The following MACROD2 variants were observed in gnomAD, a reference collection of about 807,000 sequenced individuals.
The protein encoded by MACROD2 is ADP-ribose glycohydrolase MACROD2.
In MACROD2, 36 loss-of-function variants were observed where a neutral mutation model predicts 70.4. The observed-to-expected ratio is 0.51, with a 90% confidence interval of 0.39 to 0.68. The LOEUF is 0.68. MACROD2 is among the 30% of genes least tolerant of loss of function. The probability of loss-of-function intolerance (pLI) is 0.00; values close to 1 mark genes in which losing one functional copy is unlikely to be tolerated. For synonymous variants in MACROD2, 172 were observed against 178.8 expected (o/e 0.96, Z 0.30); for missense variants, 496 against 538.4 (o/e 0.92, Z 0.78).
At chr20:15,482,674 A>G (rs1401837980) in intron 7 of MACROD2, among the ~76,000 whole-genome samples, 1 of 152,188 alleles carries the variant, frequency 6.6e-6, no homozygotes, top group East Asian at 1.9e-4. Context: ...AACATTTTGT[A>G]TCCCCACCGG....
intron 7 of MACROD2, among the ~76,000 whole-genome samples, chr20:15,444,221 G>A (rs146305552): frequency 1.3e-3 from 197 of 152,158 alleles, no homozygotes; most frequent in African/African-American, 4.6e-3. Context: ...TTCAAAGTTC[G>A]TCCATGTCAT....
At chr20:14,484,077 C>T (rs916596386) in intron 3 of MACROD2, among the ~76,000 whole-genome samples, 17 of 152,060 alleles carry the variant, frequency 1.1e-4, no homozygotes, top group Admixed American at 1.0e-3. Flanking sequence ...ATCTAACATA[C>T]CAAAACATTT....
At chr20:15,030,944 A>G (rs6043062) in intron 5 of MACROD2, among the ~76,000 whole-genome samples, 21,174 of 152,082 alleles carry the variant, frequency 0.14, 4,193 homozygotes, top group African/African-American at 0.44. Flanking sequence ...TGCTGGGCTT[A>G]TTCTGCCTAC....
intron 5 of MACROD2, among the ~76,000 whole-genome samples, chr20:14,840,231 T>C (rs1600715090): frequency 6.6e-6 from 1 of 152,012 alleles, no homozygotes; most frequent in South Asian, 2.1e-4. Flanking sequence ...AGAGACGGGG[T>C]TTCGCCATGT....
chr20:14,247,622 A>T (rs12624446), intron 3 of MACROD2, among the ~76,000 whole-genome samples: 23,886 of 152,170 alleles, frequency 0.16, 2,419 homozygotes, highest in East Asian at 0.26. Flanking sequence ...TTGAGTGCCG[A>T]CGTGATGCCA....
At position 16,052,048 on chromosome 20, in the gene MACROD2, T is replaced by C. The variant is rs1450034087; in HGVS notation, c.*2172T>C. The stretch of plus-strand genomic sequence containing the variant: ...GGGAATTCTCTCTGCCTAAAAATTC[T>C]AGAAGAATGAAAGTAATCTTTGTAT... On this transcript the variant is annotated 3_prime_UTR_variant, in exon 18 of 18. Coordinates refer to ENST00000684519, the MANE Select transcript of MACROD2 (RefSeq NM_001351661.2). The C allele has an allele frequency of 6.6e-6, 1 of 152,254 alleles. No homozygotes were observed. Among genetic ancestry groups the C allele is most frequent in the Non-Finnish European group, 1.5e-5 (1 of 68,042 alleles). 9.4% of individuals were successfully genotyped at this position (152,254 alleles called of 1,614,324 possible). A position where few individuals can be genotyped will look rare whatever the true frequency, so the allele number is the denominator to read the frequency against.
At chr20:14,712,174 C>A (rs982605407) in intron 5 of MACROD2, among the ~76,000 whole-genome samples, 10 of 151,950 alleles carry the variant, frequency 6.6e-5, no homozygotes, top group African/African-American at 2.4e-5. Flanking sequence ...AAATATATTT[C>A]TTTGAGTTGG....
chr20:15,931,905 G>T (rs1357809138), intron 10 of MACROD2, among the ~76,000 whole-genome samples: 1 of 152,090 alleles, frequency 6.6e-6, no homozygotes, highest in African/African-American at 2.4e-5. Flanking sequence ...CTGCTTCTGA[G>T]GCTTTTGTTT....
At chr20:15,442,309 G>C (rs1346671934) in intron 7 of MACROD2, among the ~76,000 whole-genome samples, 1 of 152,108 alleles carries the variant, frequency 6.6e-6, no homozygotes, top group Non-Finnish European at 1.5e-5. Context: ...TTAGGGTAAA[G>C]TTAAACTGTT....
At chr20:15,990,593 A>G (rs959324048) in intron 15 of MACROD2, among the ~76,000 whole-genome samples, 1 of 152,200 alleles carries the variant, frequency 6.6e-6, no homozygotes, top group African/African-American at 2.4e-5. Flanking sequence ...GTTGACAGAG[A>G]CTTAAAGTAT....
At chr20:15,087,529 G>A (rs972188198) in intron 5 of MACROD2, among the ~76,000 whole-genome samples, 1 of 151,962 alleles carries the variant, frequency 6.6e-6, no homozygotes, top group Admixed American at 6.6e-5. Flanking sequence ...TGGAAGGAGA[G>A]CAGAGCTATG....
intron 8 of MACROD2, chr20:15,619,919 G>A (rs1026825938): frequency 7.2e-5 from 11 of 152,978 alleles, no homozygotes; most frequent in South Asian, 4.1e-4. Context: ...GACATCCTGC[G>A]ATGCTGCTTT....
intron 8 of MACROD2, among the ~76,000 whole-genome samples, chr20:15,609,397 G>A (rs1002838508): frequency 2.6e-5 from 4 of 152,226 alleles, no homozygotes; most frequent in African/African-American, 7.2e-5. Context: ...AATTGCAAAT[G>A]TGTGTGATTC....
At chr20:15,411,025 A>G (rs1336456286) in intron 6 of MACROD2, among the ~76,000 whole-genome samples, 1 of 152,192 alleles carries the variant, frequency 6.6e-6, no homozygotes, top group East Asian at 1.9e-4. Context: ...TTTCTAATAT[A>G]TCGTTTGCTT....
intron 6 of MACROD2, among the ~76,000 whole-genome samples, chr20:15,314,749 G>A (rs2077791058): frequency 6.6e-6 from 1 of 152,208 alleles, no homozygotes; most frequent in South Asian, 2.1e-4. Flanking sequence ...AAAGGTTGTA[G>A]TTGAGGCAAA....
chr20:15,040,049 A>G (rs1044266325), intron 5 of MACROD2, among the ~76,000 whole-genome samples: 1 of 152,146 alleles, frequency 6.6e-6, no homozygotes, highest in Non-Finnish European at 1.5e-5. Context: ...CATTGTTCAT[A>G]TATGAGGGGA....
chr20:14,391,425 A>G (rs2083525391), intron 3 of MACROD2, among the ~76,000 whole-genome samples: 1 of 152,156 alleles, frequency 6.6e-6, no homozygotes, highest in Non-Finnish European at 1.5e-5. Flanking sequence ...AATGATGAGA[A>G]CAAATGGATA....
chr20:15,483,959 G>T (rs184124028), intron 7 of MACROD2, among the ~76,000 whole-genome samples: 41 of 151,492 alleles, frequency 2.7e-4, no homozygotes, highest in Admixed American at 7.9e-4. Context: ...AGGATTTTTG[G>T]GTCAAACCTG....
At chr20:15,334,974 A>T (rs966166781) in intron 6 of MACROD2, among the ~76,000 whole-genome samples, 1 of 151,712 alleles carries the variant, frequency 6.6e-6, no homozygotes, top group African/African-American at 2.4e-5. Context: ...CTTTAACCAT[A>T]TTCTTATAGT....
Sources: gnomAD v4.1 joint callset for allele counts (sites outside exome capture counted in the v4.1 genomes callset) on GRCh38, gnomAD v4.1.1 for gene constraint, MANE v1.5 for transcripts, NCBI Gene and HGNC (gene_info 2026-07-23, HGNC 2026-07-21) for gene names.